Variants in SNX1 observed in about 807,000 individuals in gnomAD.
SNX1 encodes the protein sorting nexin-1.
In SNX1, 36 loss-of-function variants were observed where a neutral mutation model predicts 71.8. The ratio of observed to expected loss-of-function variants is 0.50; its 90% CI spans 0.38 to 0.66. SNX1 has a LOEUF of 0.66. Ranked by LOEUF, SNX1 falls within the 30% of genes least tolerant of loss-of-function variation. SNX1 has a pLI of 0.00. For synonymous variants in SNX1, 254 were observed against 240.7 expected (o/e 1.06, Z -0.51); for missense variants, 612 against 646.7 (o/e 0.95, Z 0.58).
chr15:64,099,331 C>G (rs2080935142), intron 1 of SNX1, among the ~76,000 whole-genome samples: 1 of 152,062 alleles, frequency 6.6e-6, no homozygotes, highest in Non-Finnish European at 1.5e-5. Context: ...GAAGATGTTC[C>G]CTCCATAATA....
chr15:64,102,761 C>CT (rs60616312), intron 1 of SNX1, among the ~76,000 whole-genome samples: 41,760 of 76,502 alleles, frequency 0.55, 13,315 homozygotes, highest in East Asian at 0.67. Context: ...ACCACGCCTT[C>CT]TTTTTTTTTT....
In SNX1 at chr15:64,136,197, C is replaced by T. The variant is rs2081357776; in HGVS notation, c.1366-133C>T. The T allele has an allele frequency of 3.4e-5, 24 of 701,890 alleles. No individual in the cohort carries two copies. The South Asian group carries it at 4.0e-4, about 12-fold the overall frequency. 43.5% of individuals were successfully genotyped at this position (701,890 alleles called of 1,614,324 possible). On this transcript the variant is annotated intron_variant, in intron 12 of 14. Transcript: ENST00000559844. ...TTACGTGTGGAATCCTCTGTGACAC[C>T]TCATCTTACCCACAGGGACAGACAG... is the stretch of plus-strand genomic sequence containing the variant.
At chr15:64,119,648 C>T (rs562074793) in intron 4 of SNX1, among the ~76,000 whole-genome samples, 164 of 151,340 alleles carry the variant, frequency 1.1e-3, no homozygotes, top group South Asian at 3.5e-3. Context: ...CGCTTGAACC[C>T]GGGAGGTGGA....
chr15:64,131,652 TC>T, intron 10 of SNX1, 34 bp from the exon 11 acceptor site: 1 of 1,600,996 alleles, frequency 6.2e-7, no homozygotes, highest in Non-Finnish European at 8.5e-7. Flanking sequence ...CCTTGTGAGA[TC>T]AGAGAGGCCT....
chr15:64,105,269 T>A (rs1381395107), intron 1 of SNX1, among the ~76,000 whole-genome samples: 1 of 151,784 alleles, frequency 6.6e-6, no homozygotes, highest in Non-Finnish European at 1.5e-5. Flanking sequence ...AAGGTTGCCG[T>A]CAGACTTCTG....
chr15:64,128,057 A>T (rs533693970), intron 8 of SNX1, among the ~76,000 whole-genome samples: 2 of 152,312 alleles, frequency 1.3e-5, no homozygotes, highest in African/African-American at 4.8e-5. Flanking sequence ...CAACACAGTG[A>T]TCTATTTGGC....
chr15:64,142,761 C>G lies in SNX1; in HGVS notation c.*5143C>G. On this transcript the variant is annotated 3_prime_UTR_variant, in exon 15 of 15. Coordinates refer to ENST00000559844, the MANE Select transcript of SNX1 (RefSeq NM_003099.5). ...GGACTGGACTTCGAGCTGGTGTGATCCCAGTATTCAGTGTCAGTACTCAGT... is the reference window on the plus strand; with the variant it reads ...GGACTGGACTTCGAGCTGGTGTGATGCCAGTATTCAGTGTCAGTACTCAGT... The G allele has an allele frequency of 2.2e-6, 1 of 451,886 alleles. No individual in the cohort carries two copies. The highest frequency in any genetic ancestry group is 1.6e-5 in the South Asian group (1 of 63,816). The allele number at this position is 451,886 out of a possible 1,614,324, so 28.0% of individuals were successfully genotyped here.
chr15:64,107,683 T>C (rs184106246), intron 1 of SNX1, among the ~76,000 whole-genome samples: 372 of 152,030 alleles, frequency 2.4e-3, no homozygotes, highest in African/African-American at 8.6e-3. Flanking sequence ...CTGGCTAGAA[T>C]TAACAGCCAA....
chr15:64,112,036 A>C (rs2081082681), intron 1 of SNX1, among the ~76,000 whole-genome samples: 1 of 152,250 alleles, frequency 6.6e-6, no homozygotes, highest in African/African-American at 2.4e-5. Flanking sequence ...TGTGTGAGTT[A>C]AGGATGAAAA....
intron 4 of SNX1, 116 bp from the exon 5 acceptor site, chr15:64,123,387 A>G (rs2081215129): frequency 1.2e-6 from 1 of 862,318 alleles, no homozygotes; most frequent in South Asian, 1.5e-5. Flanking sequence ...GAGATGAAAC[A>G]AGCATCCCTT....
intron 5 of SNX1, among the ~76,000 whole-genome samples, chr15:64,124,190 CTTTGT>C (rs1244347746): frequency 1.1e-5 from 1 of 92,818 alleles, no homozygotes; most frequent in Non-Finnish European, 1.9e-5. Context: ...GACTGTTTTG[CTTTGT>C]TTTGAGTTTC....
chr15:64,111,119 G>A (rs1325329108), intron 1 of SNX1, among the ~76,000 whole-genome samples: 1 of 152,252 alleles, frequency 6.6e-6, no homozygotes, highest in Non-Finnish European at 1.5e-5. Flanking sequence ...GGCTTCACAT[G>A]AGATCTATGT....
rs1435998500 is a variant in SNX1, at chr15:64,131,850, T to C, written c.1179T>C (p.Ala393=). ...CCAACAATGACTTCTTCCTCCTTGC[T>C]GAGCTCCTGAGTGACTACATTCGCC... ...EQANNDFFLL[A]ELLSDYIRLL... is the part of the protein sequence containing the mutation. The change falls in exon 11 of 15, where the codon GCT becomes GCC. Residue 393 remains alanine (A), a synonymous_variant. Coordinates refer to ENST00000559844, the MANE Select transcript of SNX1 (RefSeq NM_003099.5). 3.1e-6 allele frequency: 5 copies of C among 1,614,202 alleles called. No individual in the cohort carries two copies. The highest frequency in any genetic ancestry group is 4.2e-6 in the Non-Finnish European group (5 of 1,179,990).
At chr15:64,120,408 G>A (rs1055033456) in intron 4 of SNX1, among the ~76,000 whole-genome samples, 2 of 151,562 alleles carry the variant, frequency 1.3e-5, no homozygotes, top group Non-Finnish European at 2.9e-5. Context: ...GAGTAGCTGG[G>A]ACTACAGATG....
In SNX1 at chr15:64,136,335, G is replaced by A. The variant is rs755473952; in HGVS notation, c.1371G>A (p.Glu457=). 2.5e-5 allele frequency: 40 copies of A among 1,613,344 alleles called. No individual in the cohort carries two copies. Among genetic ancestry groups the A allele is most frequent in the Non-Finnish European group, 3.4e-5 (40 of 1,179,236 alleles). ...TCTTTCCTCTTTCTTCCCAGTGGGA[G>A]TCTCGGGTGACTCAATATGAAAGGG... The part of the protein sequence containing the change: ...QQAKDEILEW[E]SRVTQYERDF... Residue 457 remains glutamate, a synonymous_variant, in exon 13 of 15, where the codon GAG becomes GAA. Transcript: ENST00000559844.
Position 64,137,682 on chromosome 15 carries a change from C to A in SNX1, c.*64C>A. ...CTTTTTATACACTGTCCTCCTCCAC[C>A]TTGATGGACCCCTAGTGATGCATCC... On this transcript the variant is annotated 3_prime_UTR_variant, in exon 15 of 15. Transcript: ENST00000559844. 1.2e-6 allele frequency: 2 copies of A among 1,610,478 alleles called. No homozygotes were observed. The highest frequency in any genetic ancestry group is 1.7e-6 in the Non-Finnish European group (2 of 1,177,844).
At chr15:64,112,944 A>G (rs969362113) in intron 2 of SNX1, among the ~76,000 whole-genome samples, 1 of 152,164 alleles carries the variant, frequency 6.6e-6, no homozygotes, top group African/African-American at 2.4e-5. Context: ...AGTTGGAGGA[A>G]TGATAGAAAT....
intron 13 of SNX1, among the ~76,000 whole-genome samples, chr15:64,136,619 C>A (rs1198527731): frequency 3.3e-5 from 5 of 152,122 alleles, no homozygotes; most frequent in Non-Finnish European, 7.4e-5. Flanking sequence ...CAGTTAAACA[C>A]AAATCTTGCA....
chr15:64,130,326 C>G lies in SNX1; in HGVS notation c.1015+5C>G. ...CTCTAGTCAACCATAGGAAAGGTAA[C>G]AAGCTCTGAAATGCACTTGGAGCTA... is the stretch of plus-strand genomic sequence containing the variant. On this transcript the variant is annotated splice_donor_5th_base_variant and intron_variant, in intron 10 of 14. Coordinates refer to ENST00000559844, the MANE Select transcript of SNX1 (RefSeq NM_003099.5). 1 of 1,611,578 alleles carries G rather than the reference C, an allele frequency of 6.2e-7. No individual in the cohort carries two copies. The highest frequency in any genetic ancestry group is 1.1e-5 in the South Asian group (1 of 91,012).
Sources: allele counts gnomAD v4.1 joint callset (sites outside exome capture counted in the v4.1 genomes callset), GRCh38; gene constraint gnomAD v4.1.1; transcripts MANE v1.5; gene names NCBI Gene and HGNC (gene_info 2026-07-23, HGNC 2026-07-21).